Variants in LRRK1 observed in about 807,000 individuals in gnomAD.
The protein encoded by LRRK1 is leucine-rich repeat serine/threonine-protein kinase 1.
LRRK1 carries 113 observed loss-of-function variants against 209.1 expected under a neutral mutation model. That is an observed-to-expected ratio of 0.54 (90% CI 0.46 to 0.63). The LOEUF is 0.63. Among genes scored for constraint, LRRK1 ranks in the 30% least tolerant of loss-of-function variants. LRRK1 has a pLI of 0.00. For missense variants in LRRK1, 2,284 were observed against 2,632.2 expected (o/e 0.87, Z 2.89); for synonymous variants, 1,144 against 1,099.7 (o/e 1.04, Z -0.80).
intron 33 of LRRK1, chr15:101,067,493 G>T: frequency 3.3e-6 from 1 of 304,544 alleles, no homozygotes; most frequent in Non-Finnish European, 6.8e-6. Context: ...TTCACACTAG[G>T]CCTGTTTCCC....
intron 29 of LRRK1, among the ~76,000 whole-genome samples, chr15:101,058,933 AGGATGCCTGGGGTAGAGTGAG>A (rs1470514479): frequency 6.6e-6 from 1 of 152,130 alleles, no homozygotes; most frequent in African/African-American, 2.4e-5. Context: ...ACCTTTGGGG[AGGATGCCTGGGGTAGAGTGAG>A]GAATGAGCTT....
intron 2 of LRRK1, among the ~76,000 whole-genome samples, chr15:100,960,586 T>A (rs1163857289): frequency 6.6e-6 from 1 of 152,186 alleles, no homozygotes; most frequent in Non-Finnish European, 1.5e-5. Context: ...CTCTCCCAAG[T>A]CCCTCAAGCA....
At chr15:100,931,694 G>C (rs1596158988) in intron 2 of LRRK1, among the ~76,000 whole-genome samples, 1 of 152,078 alleles carries the variant, frequency 6.6e-6, no homozygotes, top group East Asian at 1.9e-4. Flanking sequence ...CCCCACCCCA[G>C]CTTCCAGGCA....
At chr15:100,963,356 G>A (rs1467018428) in intron 2 of LRRK1, among the ~76,000 whole-genome samples, 2 of 152,212 alleles carry the variant, frequency 1.3e-5, no homozygotes, top group Non-Finnish European at 2.9e-5. Context: ...GGGCCCCAGC[G>A]TCAGGATGCT....
chr15:100,920,115 G>C (rs2041995200), intron 1 of LRRK1: 1 of 152,860 alleles, frequency 6.5e-6, no homozygotes, highest in Non-Finnish European at 1.5e-5. Flanking sequence ...AGGCAGGGAC[G>C]CGGGAAGGAA....
chr15:100,990,310 C>G (rs913833041), intron 6 of LRRK1, among the ~76,000 whole-genome samples: 2 of 152,136 alleles, frequency 1.3e-5, no homozygotes, highest in African/African-American at 4.8e-5. Context: ...ACATAGCTCT[C>G]CTGCTATTGG....
chr15:101,068,563 C>A, intron 33 of LRRK1, 108 bp from the exon 34 acceptor site: 1 of 1,196,770 alleles, frequency 8.4e-7, no homozygotes, highest in Non-Finnish European at 1.2e-6. Flanking sequence ...AGACACACTC[C>A]CCTGCCCTTA....
rs771844282 is a variant in LRRK1, at chr15:101,058,122, G to A, written c.4660G>A (p.Asp1554Asn). Reference protein sequence around the residue: ...QGQEYTVVFWDGKEESRNYTV... With the variant: ...QGQEYTVVFWNGKEESRNYTV... Reference sequence around the variant, plus strand: ...CCAGGAGTACACCGTGGTGTTTTGGGATGGAAAAGAGGAGTCCAGGTAAGC... The same window carrying A: ...CCAGGAGTACACCGTGGTGTTTTGGAATGGAAAAGAGGAGTCCAGGTAAGC... The change falls in exon 29 of 34, where the codon GAT becomes AAT. Residue 1554 changes from aspartate to asparagine, a missense_variant. Asp to Asn is a conservative substitution (Grantham distance 23). Transcript: ENST00000388948. 1 of 1,614,162 alleles carries A rather than the reference G, an allele frequency of 6.2e-7. No homozygotes were observed. The highest frequency in any genetic ancestry group is 8.5e-7 in the Non-Finnish European group (1 of 1,180,026).
intron 31 of LRRK1, 60 bp from the exon 32 acceptor site, chr15:101,065,292 T>C (rs2036464437): frequency 5.4e-5 from 84 of 1,568,500 alleles, no homozygotes; most frequent in Non-Finnish European, 7.1e-5. Context: ...GCCTACTCTG[T>C]GTCTCTCTTG....
At chr15:101,003,525 C>T (rs919010435) in intron 6 of LRRK1, among the ~76,000 whole-genome samples, 2 of 152,142 alleles carry the variant, frequency 1.3e-5, no homozygotes, top group African/African-American at 4.8e-5. Flanking sequence ...CTGGGGAGGC[C>T]TCACAATCAT....
rs150634579 is a variant in LRRK1 at position 101,030,692 on chromosome 15, G to A, written c.2963+1460G>A. Among the ~76,000 whole-genome samples the A allele has an allele frequency of 6.5e-4, 99 of 152,268 alleles. 1 individual carries two copies. The East Asian group carries it at 0.019, about 29-fold the overall frequency. ...TGACATGGCCCTGCCATCTCCCAGT[G>A]AAACAATTCTGTTGACAGCCCCTTT... On this transcript the variant is annotated intron_variant, in intron 20 of 33. Coordinates refer to ENST00000388948, the MANE Select transcript of LRRK1 (RefSeq NM_024652.6).
rs200771530 is a variant in LRRK1, at chr15:101,065,986, G to C, written c.5549G>C (p.Arg1850Pro). The change falls in exon 32 of 34, where the codon CGC becomes CCC. Residue 1850 changes from arginine to proline, a missense_variant. Transcript: ENST00000388948. ...SMSSYSSSPPRQAARSPSSLP... is the reference protein window; with the variant it reads ...SMSSYSSSPPPQAARSPSSLP... ...TCCTCCTACTCCTCATCCCCACCCC[G>C]CCAGGCTGCCAGGTCCCCCTCAAGC... The C allele has an allele frequency of 6.2e-7, 1 of 1,613,830 alleles. No individual in the cohort carries two copies. The highest frequency in any genetic ancestry group is 8.5e-7 in the Non-Finnish European group (1 of 1,179,970).
chr15:100,925,949 C>A (rs376508595), intron 2 of LRRK1, among the ~76,000 whole-genome samples: 1 of 152,220 alleles, frequency 6.6e-6, no homozygotes, highest in Non-Finnish European at 1.5e-5. Context: ...GAGAGGCCCA[C>A]GTTTGTACCC....
rs2036944512 is a variant in LRRK1 at position 101,075,315 on chromosome 15, A to G, written c.*6467A>G. On this transcript the variant is annotated 3_prime_UTR_variant, in exon 34 of 34. Coordinates refer to ENST00000388948, the MANE Select transcript of LRRK1 (RefSeq NM_024652.6). ...TCCCTTATTAGGCTGAGACACTTTA[A>G]CTAAATTATCTGCTTCCCTGACTAT... The G allele has an allele frequency of 1.4e-5, 1 of 71,828 alleles. No homozygotes were observed. Among genetic ancestry groups the G allele is most frequent in the Non-Finnish European group, 2.8e-5 (1 of 35,308 alleles). 4.4% of individuals were successfully genotyped at this position (71,828 alleles called of 1,614,324 possible). A position where few individuals can be genotyped will look rare whatever the true frequency, so the allele number is the denominator to read the frequency against.
rs1037764583 is a variant in LRRK1 at position 101,027,506 on chromosome 15, G to T, written c.2526+125G>T. Reference sequence around the variant, plus strand: ...CAAGGCTCGGTGGTTCCTGGTGAGGGAGGGTCAGGATGGAAGATAGTGGGT... The same window carrying T: ...CAAGGCTCGGTGGTTCCTGGTGAGGTAGGGTCAGGATGGAAGATAGTGGGT... On this transcript the variant is annotated intron_variant, in intron 18 of 33. Coordinates refer to ENST00000388948, the MANE Select transcript of LRRK1 (RefSeq NM_024652.6). The surrounding 1 kb of genome is among the most constrained non-coding windows in gnomAD (Gnocchi z 5.1). 57 of 1,503,680 alleles carry T rather than the reference G, an allele frequency of 3.8e-5. No individual in the cohort carries two copies. Among genetic ancestry groups the T allele is most frequent in the Non-Finnish European group, 4.7e-5 (52 of 1,116,594 alleles). 93.1% of individuals were successfully genotyped at this position (1,503,680 alleles called of 1,614,324 possible).
At chr15:100,999,126 A>G (rs1400186551) in intron 6 of LRRK1, among the ~76,000 whole-genome samples, 1 of 152,198 alleles carries the variant, frequency 6.6e-6, no homozygotes, top group Non-Finnish European at 1.5e-5. Flanking sequence ...TGCAGACACC[A>G]TATTTTTATT....
In LRRK1 at chr15:100,972,363, A is replaced by AGT. The variant is rs139709615; in HGVS notation, c.98-1402_98-1401dup. Among the ~76,000 whole-genome samples, 266 of 98,486 alleles carry AGT rather than the reference A, an allele frequency of 2.7e-3. 1 individual carries two copies. The highest frequency in any genetic ancestry group is 6.6e-3 in the African/African-American group (134 of 20,228). 64.6% of individuals were successfully genotyped at this position (98,486 alleles called of 152,430 possible). On this transcript the variant is annotated intron_variant, in intron 2 of 33. Transcript: ENST00000388948. The stretch of plus-strand genomic sequence containing the variant: ...GAGAGAGAGAGAGAGAGAGAGAGAG[A>AGT]GTGTGTGTGTGTGTGTGTGTGTGTG...
chr15:100,938,541 G>A lies in LRRK1; in HGVS notation c.97+13812G>A, dbSNP rs139613853. On this transcript the variant is annotated intron_variant, in intron 2 of 33. Transcript: ENST00000388948. ...GTGCACTGGAACTTACTCCTCCCATGCAGGTAACCCACCTTCTGCCATCCT... is the reference window on the plus strand; with the variant it reads ...GTGCACTGGAACTTACTCCTCCCATACAGGTAACCCACCTTCTGCCATCCT... Among the ~76,000 whole-genome samples the A allele has an allele frequency of 9.9e-5, 15 of 152,014 alleles. No homozygotes were observed. The East Asian group carries it at 2.9e-3, about 29-fold the overall frequency.
chr15:100,959,314 A>G (rs2042825976), intron 2 of LRRK1, among the ~76,000 whole-genome samples: 1 of 152,236 alleles, frequency 6.6e-6, no homozygotes, highest in Non-Finnish European at 1.5e-5. Context: ...GTGAGTAAGC[A>G]GAACCCAGCC....
Sources: allele counts gnomAD v4.1 joint callset (sites outside exome capture counted in the v4.1 genomes callset), GRCh38; gene constraint gnomAD v4.1.1; non-coding constraint Gnocchi (gnomAD v3.1); transcripts MANE v1.5; gene names NCBI Gene and HGNC (gene_info 2026-07-23, HGNC 2026-07-21).